Variants in SOX6 observed in about 807,000 individuals in gnomAD.
SOX6 encodes transcription factor SOX-6.
SOX6 carries 11 observed loss-of-function variants against 97.8 expected under a neutral mutation model. The observed-to-expected ratio is 0.11, with a 90% CI of 0.07 to 0.19. The LOEUF (loss-of-function observed/expected upper bound fraction) is 0.19, where lower values mean the gene tolerates loss of function less well. Ranked by LOEUF, SOX6 falls within the 10% of genes least tolerant of loss-of-function variation. The pLI, the probability that SOX6 is intolerant of heterozygous loss-of-function variation, is 1.00. For missense variants in SOX6, 810 were observed against 1,039.5 expected (o/e 0.78, Z 3.04); for synonymous variants, 360 against 371.4 (o/e 0.97, Z 0.35).
chr11:16,138,468 T>A (rs551798994), intron 6 of SOX6, among the ~76,000 whole-genome samples: 11 of 152,174 alleles, frequency 7.2e-5, no homozygotes, highest in Non-Finnish European at 1.0e-4. Context: ...CTTAGTATCC[T>A]CCAATCTGAA....
At chr11:16,294,857 C>A (rs549377823) in intron 3 of SOX6, among the ~76,000 whole-genome samples, 1 of 151,888 alleles carries the variant, frequency 6.6e-6, no homozygotes, top group Non-Finnish European at 1.5e-5. Context: ...TCAATTTCTC[C>A]TTTTCATTTA....
intron 3 of SOX6, among the ~76,000 whole-genome samples, chr11:16,656,611 A>C (rs1050756063): frequency 6.6e-6 from 1 of 152,158 alleles, no homozygotes; most frequent in Non-Finnish European, 1.5e-5. Flanking sequence ...ACTAATTCAT[A>C]CTTTTTATAC....
chr11:16,522,023 C>A (rs1384643073), intron 4 of SOX6, among the ~76,000 whole-genome samples: 1 of 152,100 alleles, frequency 6.6e-6, no homozygotes. Flanking sequence ...CTGAAAGTGA[C>A]AGGAAGAATG....
At chr11:16,307,640 A>G (rs1373398944) in intron 3 of SOX6, among the ~76,000 whole-genome samples, 1 of 152,220 alleles carries the variant, frequency 6.6e-6, no homozygotes, top group Non-Finnish European at 1.5e-5. Flanking sequence ...ATGGAATCCC[A>G]GTGCACACAG....
intron 1 of SOX6, among the ~76,000 whole-genome samples, 88 bp downstream of exon 1, chr11:16,356,006 A>G (rs1857063123): frequency 6.6e-6 from 1 of 152,020 alleles, no homozygotes; most frequent in African/African-American, 2.4e-5. Context: ...ATCCCACCCA[A>G]TCAGGTAGGC....
At chr11:16,414,306 T>C (rs955709544) in intron 1 of SOX6, among the ~76,000 whole-genome samples, 2 of 152,180 alleles carry the variant, frequency 1.3e-5, no homozygotes, top group African/African-American at 4.8e-5. Flanking sequence ...ATTTAACTCA[T>C]CTGCAAATTC....
At chr11:16,290,572 C>T (rs1172580183) in intron 3 of SOX6, among the ~76,000 whole-genome samples, 1 of 151,978 alleles carries the variant, frequency 6.6e-6, no homozygotes, top group Non-Finnish European at 1.5e-5. Context: ...GGACACAAAA[C>T]GTGTTTTGTC....
intron 12 of SOX6, among the ~76,000 whole-genome samples, chr11:16,021,735 C>A (rs918306003): frequency 2.0e-5 from 3 of 151,994 alleles, no homozygotes; most frequent in African/African-American, 7.2e-5. Flanking sequence ...ATTGTGCTAG[C>A]ACTTAAGAAT....
At chr11:16,636,892 G>A (rs1848797943) in intron 3 of SOX6, among the ~76,000 whole-genome samples, 1 of 152,112 alleles carries the variant, frequency 6.6e-6, no homozygotes, top group Non-Finnish European at 1.5e-5. Context: ...GTTTCCTGAG[G>A]CCTACCCAGC....
intron 4 of SOX6, among the ~76,000 whole-genome samples, chr11:16,199,467 T>C (rs2134125000): frequency 6.6e-6 from 1 of 152,324 alleles, no homozygotes; most frequent in East Asian, 1.9e-4. Context: ...AATAGAGCTA[T>C]GATTCCTAAG....
At chr11:16,562,929 C>A (rs1467899535) in intron 4 of SOX6, among the ~76,000 whole-genome samples, 1 of 152,036 alleles carries the variant, frequency 6.6e-6, no homozygotes, top group Non-Finnish European at 1.5e-5. Context: ...TAGCAGCCTC[C>A]CTTCCCTTAC....
intron 4 of SOX6, among the ~76,000 whole-genome samples, chr11:16,571,139 A>G (rs1847933929): frequency 6.6e-6 from 1 of 152,198 alleles, no homozygotes; most frequent in Non-Finnish European, 1.5e-5. Context: ...AATTGTTGCC[A>G]ATGTATTTTG....
At chr11:16,544,334 A>G (rs1225774032) in intron 4 of SOX6, among the ~76,000 whole-genome samples, 1 of 152,144 alleles carries the variant, frequency 6.6e-6, no homozygotes, top group Non-Finnish European at 1.5e-5. Flanking sequence ...ATCACAGCTC[A>G]GTACAGCCTC....
chr11:16,120,871 C>T (rs899391834), intron 6 of SOX6, among the ~76,000 whole-genome samples: 2 of 152,064 alleles, frequency 1.3e-5, no homozygotes, highest in Non-Finnish European at 2.9e-5. Flanking sequence ...CACTTTCCAA[C>T]TCTCTTCCAT....
At chr11:16,325,583 T>A (rs930641003) in intron 2 of SOX6, among the ~76,000 whole-genome samples, 1 of 152,144 alleles carries the variant, frequency 6.6e-6, no homozygotes, top group East Asian at 1.9e-4. Context: ...AGAGTCAGTA[T>A]ATTATAGTTT....
intron 4 of SOX6, among the ~76,000 whole-genome samples, chr11:16,227,002 A>AC (rs1390624120): frequency 1.9e-4 from 29 of 152,174 alleles, no homozygotes; most frequent in Middle Eastern, 3.4e-3. Flanking sequence ...CAAGATTCAA[A>AC]CCCTACTTTC....
At chr11:16,002,919 C>T (rs1001493655) in intron 13 of SOX6, among the ~76,000 whole-genome samples, 4 of 152,182 alleles carry the variant, frequency 2.6e-5, no homozygotes, top group East Asian at 1.9e-4. Flanking sequence ...CAATCTTTAT[C>T]GATTGCCTTA....
chr11:16,672,373 A>C (rs538607721), intron 3 of SOX6, among the ~76,000 whole-genome samples: 2 of 152,274 alleles, frequency 1.3e-5, no homozygotes, highest in Admixed American at 6.5e-5. Flanking sequence ...AAAAACACAA[A>C]ACTGTATTAG....
intron 4 of SOX6, among the ~76,000 whole-genome samples, chr11:16,590,185 T>C (rs938776844): frequency 2.6e-5 from 4 of 152,120 alleles, no homozygotes; most frequent in East Asian, 1.9e-4. Flanking sequence ...GGCTGAAGAT[T>C]TGCAAAAAGA....
Sources: allele counts gnomAD v4.1 joint callset (sites outside exome capture counted in the v4.1 genomes callset), GRCh38; gene constraint gnomAD v4.1.1; transcripts MANE v1.5; gene names NCBI Gene and HGNC (gene_info 2026-07-23, HGNC 2026-07-21).